The following CNIH3 variants were observed in gnomAD, a reference collection of about 807,000 sequenced individuals.
CNIH3 encodes protein cornichon homolog 3.
In CNIH3, 14 loss-of-function variants were observed where a neutral mutation model predicts 24.1. The ratio of observed to expected loss-of-function variants is 0.58; its 90% CI spans 0.38 to 0.91. The LOEUF (loss-of-function observed/expected upper bound fraction) is 0.91. Ranked by LOEUF, CNIH3 falls within the 40% of genes least tolerant of loss-of-function variation. The pLI, the probability that CNIH3 is intolerant of heterozygous loss-of-function variation, is 0.00. For synonymous variants in CNIH3, 68 were observed against 73.8 expected (o/e 0.92, Z 0.40); for missense variants, 178 against 196.8 (o/e 0.90, Z 0.57).
intron 3 of CNIH3, among the ~76,000 whole-genome samples, chr1:224,706,483 A>G (rs1363427295): frequency 2.0e-5 from 3 of 152,306 alleles, no homozygotes; most frequent in Middle Eastern, 6.8e-3. Context: ...GAGGAGTAAC[A>G]GTGCGGAGAT....
intron 1 of CNIH3, among the ~76,000 whole-genome samples, chr1:224,490,377 G>A (rs1174289885): frequency 1.3e-5 from 2 of 152,178 alleles, no homozygotes; most frequent in Non-Finnish European, 2.9e-5. Flanking sequence ...ATTATAGAGA[G>A]TAATCCTGGT....
At chr1:224,496,079 T>C (rs1287819966) in intron 1 of CNIH3, among the ~76,000 whole-genome samples, 1 of 152,188 alleles carries the variant, frequency 6.6e-6, no homozygotes, top group East Asian at 1.9e-4. Context: ...CTCAGCCCCT[T>C]GTCCTCCCAG....
intron 2 of CNIH3, among the ~76,000 whole-genome samples, chr1:224,682,526 A>G (rs970790555): frequency 1.3e-5 from 2 of 152,250 alleles, no homozygotes; most frequent in Non-Finnish European, 2.9e-5. Context: ...AGAACCTGCA[A>G]GATCCACTTG....
intron 1 of CNIH3, among the ~76,000 whole-genome samples, chr1:224,649,917 T>C (rs1268327021): frequency 3.3e-5 from 5 of 152,200 alleles, no homozygotes; most frequent in African/African-American, 1.2e-4. Flanking sequence ...TGCACTAAAT[T>C]GTTGTTCTTA....
At chr1:224,739,198 A>G (rs1689746641) in intron 5 of CNIH3, 131 bp from the exon 6 acceptor site, 2 of 1,464,514 alleles carry the variant, frequency 1.4e-6, no homozygotes, top group Non-Finnish European at 1.8e-6. Flanking sequence ...CTGTAGTGAC[A>G]GGAATGAGGG....
At chr1:224,452,385 A>C (rs1572267062) in intron 1 of CNIH3, among the ~76,000 whole-genome samples, 1 of 152,012 alleles carries the variant, frequency 6.6e-6, no homozygotes, top group East Asian at 2.0e-4. Flanking sequence ...CCTGACCTCA[A>C]GTGATCCACC....
At chr1:224,697,305 C>T (rs765007238) in intron 3 of CNIH3, among the ~76,000 whole-genome samples, 9 of 152,152 alleles carry the variant, frequency 5.9e-5, no homozygotes, top group Admixed American at 2.6e-4. Flanking sequence ...GCCTTTGTCC[C>T]GCCCCCCGGA....
intron 1 of CNIH3, among the ~76,000 whole-genome samples, chr1:224,506,281 G>A (rs574074506): frequency 0.012 from 892 of 72,594 alleles, 5 homozygotes; most frequent in African/African-American, 0.037. Flanking sequence ...GCGCGCGCGC[G>A]CGCGCGCACA....
At chr1:224,579,602 G>C (rs1681186103) in intron 4 of CNIH3, among the ~76,000 whole-genome samples, 1 of 152,166 alleles carries the variant, frequency 6.6e-6, no homozygotes, top group South Asian at 2.1e-4. Context: ...GCTGAAATTT[G>C]ATCACCAGTG....
intron 5 of CNIH3, among the ~76,000 whole-genome samples, chr1:224,584,506 G>T (rs1452760280): frequency 6.6e-6 from 1 of 152,206 alleles, no homozygotes; most frequent in East Asian, 1.9e-4. Context: ...CTAAAAGACA[G>T]AGAAAAAGTG....
chr1:224,727,063 A>G (rs1689067629), intron 3 of CNIH3, among the ~76,000 whole-genome samples: 1 of 152,152 alleles, frequency 6.6e-6, no homozygotes, highest in Non-Finnish European at 1.5e-5. Flanking sequence ...ATGAATGAGC[A>G]TTATGCCTGC....
intron 4 of CNIH3, among the ~76,000 whole-genome samples, chr1:224,581,993 T>G (rs551586910): frequency 6.6e-6 from 1 of 152,252 alleles, no homozygotes; most frequent in South Asian, 2.1e-4. Context: ...TAAACATTTA[T>G]CTGTACAGGT....
intron 1 of CNIH3, among the ~76,000 whole-genome samples, chr1:224,486,228 C>T (rs1268051603): frequency 6.6e-6 from 1 of 152,088 alleles, no homozygotes; most frequent in East Asian, 1.9e-4. Context: ...ACCTCAGCCT[C>T]CCCAGAAGCT....
intron 2 of CNIH3, among the ~76,000 whole-genome samples, chr1:224,523,778 T>A (rs1678735841): frequency 1.3e-5 from 2 of 152,182 alleles, no homozygotes; most frequent in Non-Finnish European, 2.9e-5. Flanking sequence ...TACAAATCAG[T>A]GATTCATTAA....
Position 224,665,202 on chromosome 1 carries a change from G to C in CNIH3, c.82-15756G>C, listed in dbSNP as rs565627918. On this transcript the variant is annotated intron_variant, in intron 1 of 5. Coordinates refer to ENST00000272133, the MANE Select transcript of CNIH3 (RefSeq NM_152495.2). Reference sequence around the variant, plus strand: ...CCTGCCATGTGATGGATAGACATGTGACTGGGCCTCAGAACTGCCCTCTTG... The same window carrying C: ...CCTGCCATGTGATGGATAGACATGTCACTGGGCCTCAGAACTGCCCTCTTG... Among the ~76,000 whole-genome samples, 3 of 152,260 alleles carry C rather than the reference G, an allele frequency of 2.0e-5. No individual in the cohort carries two copies. In the East Asian group the frequency reaches 5.8e-4, roughly 29 times the overall value.
chr1:224,484,181 A>AG (rs1351165612), intron 1 of CNIH3, among the ~76,000 whole-genome samples: 7 of 151,388 alleles, frequency 4.6e-5, no homozygotes, highest in Non-Finnish European at 1.0e-4. Flanking sequence ...CAAAAAAAAA[A>AG]AAAAATTGGG....
intron 3 of CNIH3, among the ~76,000 whole-genome samples, chr1:224,712,909 A>G (rs1461143643): frequency 6.6e-6 from 1 of 152,154 alleles, no homozygotes; most frequent in Non-Finnish European, 1.5e-5. Context: ...TGCTCTGGCA[A>G]CCACCTTAAA....
chr1:224,683,177 C>T (rs1215505566), intron 2 of CNIH3, among the ~76,000 whole-genome samples: 1 of 152,130 alleles, frequency 6.6e-6, no homozygotes, highest in Non-Finnish European at 1.5e-5. Flanking sequence ...TCTCAATTCA[C>T]TTTTTTTAAC....
intron 1 of CNIH3, among the ~76,000 whole-genome samples, chr1:224,628,828 C>T (rs183389962): frequency 6.6e-6 from 1 of 152,114 alleles, no homozygotes; most frequent in Admixed American, 6.5e-5. Context: ...TAGCATTTAA[C>T]ATCAACACAG....
Sources: gnomAD v4.1 joint callset for allele counts (sites outside exome capture counted in the v4.1 genomes callset) on GRCh38, gnomAD v4.1.1 for gene constraint, MANE v1.5 for transcripts, NCBI Gene and HGNC (gene_info 2026-07-23, HGNC 2026-07-21) for gene names.